Variants in PRKN observed in about 807,000 individuals in gnomAD.
PRKN encodes the protein E3 ubiquitin-protein ligase parkin.
Under a neutral mutation model 59.5 loss-of-function variants are expected in PRKN, and 56 were observed. That is an observed-to-expected ratio of 0.94 (90% CI 0.76 to 1.18). The LOEUF (loss-of-function observed/expected upper bound fraction) is 1.18. PRKN is among the 50% of genes most tolerant of loss of function. The probability of loss-of-function intolerance (pLI) is 0.00; values close to 1 mark genes in which losing one functional copy is unlikely to be tolerated. For missense variants in PRKN, 657 were observed against 596.4 expected, an observed-to-expected ratio of 1.10 and a Z score of -1.06; for synonymous variants, 250 against 222.1, an observed-to-expected ratio of 1.13 and a Z score of -1.12.
intron 9 of PRKN, among the ~76,000 whole-genome samples, chr6:161,465,977 C>A (rs967231227): frequency 2.0e-5 from 3 of 152,218 alleles, no homozygotes; most frequent in South Asian, 2.1e-4. Flanking sequence ...TCAACACATA[C>A]AAAATAATGA....
chr6:162,379,269 A>G (rs900792420), intron 2 of PRKN, among the ~76,000 whole-genome samples: 2 of 152,152 alleles, frequency 1.3e-5, no homozygotes, highest in African/African-American at 4.8e-5. Flanking sequence ...TCATCACTCC[A>G]TGAGTGATAA....
intron 2 of PRKN, among the ~76,000 whole-genome samples, chr6:162,394,945 T>C (rs192940649): frequency 7.9e-5 from 12 of 152,350 alleles, no homozygotes; most frequent in East Asian, 5.8e-4. Flanking sequence ...CCTGTGATAT[T>C]TGAATGAAAG....
Position 161,439,197 on chromosome 6 carries a change from C to A in PRKN, c.1084-52320G>T, listed in dbSNP as rs79402321. 6.9e-3 allele frequency among the ~76,000 whole-genome samples: 1,055 copies of A among 152,294 alleles called. 8 individuals are homozygous for A. The highest frequency in any genetic ancestry group is 0.011 in the Non-Finnish European group (745 of 68,022). On this transcript the variant is annotated intron_variant, in intron 9 of 11. Transcript: ENST00000366898. ...GCAGCTGAAAGGAAGCTGACGCCAA[C>A]GGGCTTCTCAGAAGAACAATGACTC...
At chr6:161,927,471 T>C (rs1050610627) in intron 6 of PRKN, among the ~76,000 whole-genome samples, 2 of 152,240 alleles carry the variant, frequency 1.3e-5, no homozygotes, top group South Asian at 2.1e-4. Flanking sequence ...TCAAAAGTCA[T>C]GTTAACAAAA....
chr6:161,557,441 C>T (rs756147631), intron 8 of PRKN, among the ~76,000 whole-genome samples: 8 of 152,118 alleles, frequency 5.3e-5, no homozygotes, highest in Non-Finnish European at 1.0e-4. Context: ...AACGGTTGCA[C>T]GTTCAAGCCC....
rs772336975 is a variant in PRKN, at chr6:162,555,981, C to CAAAAAAAAAAAAAA, written c.8-112522_8-112509dup. On this transcript the variant is annotated intron_variant, in intron 1 of 11. Transcript: ENST00000366898. The stretch of plus-strand genomic sequence containing the variant: ...GGGCAACAAGAGCGAAACTCCATCT[C>CAAAAAAAAAAAAAA]AAAAAAAAAAAAAAAAAAGTGAGAA... Among the ~76,000 whole-genome samples, 22 of 90,342 alleles carry CAAAAAAAAAAAAAA rather than the reference C, an allele frequency of 2.4e-4. 1 individual carries two copies. Among genetic ancestry groups the CAAAAAAAAAAAAAA allele is most frequent in the Non-Finnish European group, 3.8e-4 (18 of 47,948 alleles). 59.3% of individuals were successfully genotyped at this position (90,342 alleles called of 152,430 possible). A position where few individuals can be genotyped will look rare whatever the true frequency, so the allele number is the denominator to read the frequency against.
intron 4 of PRKN, among the ~76,000 whole-genome samples, chr6:162,073,789 A>C (rs1405228141): frequency 6.6e-6 from 1 of 152,170 alleles, no homozygotes; most frequent in Non-Finnish European, 1.5e-5. Flanking sequence ...CAGATAATTC[A>C]CTTCCAATAC....
chr6:161,755,709 G>A (rs570812430), intron 7 of PRKN, among the ~76,000 whole-genome samples: 23 of 152,214 alleles, frequency 1.5e-4, no homozygotes, highest in African/African-American at 4.6e-4. Flanking sequence ...ATAATTCAAC[G>A]TGAAGACACT....
At chr6:162,067,877 G>A (rs1293345751) in intron 4 of PRKN, among the ~76,000 whole-genome samples, 1 of 152,182 alleles carries the variant, frequency 6.6e-6, no homozygotes, top group African/African-American at 2.4e-5. Flanking sequence ...AGTATTTGTT[G>A]TTTTGTTCAC....
intron 5 of PRKN, among the ~76,000 whole-genome samples, chr6:162,039,406 A>G (rs886595044): frequency 1.3e-5 from 2 of 152,152 alleles, no homozygotes; most frequent in Non-Finnish European, 2.9e-5. Context: ...TCCTGAGGGC[A>G]GCTCCCTCAT....
chr6:162,389,039 C>G (rs1787025181), intron 2 of PRKN, among the ~76,000 whole-genome samples: 1 of 148,176 alleles, frequency 6.7e-6, no homozygotes, highest in South Asian at 2.2e-4. Flanking sequence ...AAAACCTGAC[C>G]CTCAATTCTT....
chr6:162,705,620 A>C (rs2849525), intron 1 of PRKN, among the ~76,000 whole-genome samples: 123,160 of 152,098 alleles, frequency 0.81, 50,084 homozygotes, highest in East Asian at 0.97. Context: ...TCCACAAGAA[A>C]ACTAGAAATT....
chr6:161,649,988 G>A (rs1784090960), intron 7 of PRKN, among the ~76,000 whole-genome samples: 1 of 152,188 alleles, frequency 6.6e-6, no homozygotes, highest in Admixed American at 6.5e-5. Context: ...ACATGGAAGG[G>A]TCGCTGCAGG....
intron 6 of PRKN, among the ~76,000 whole-genome samples, chr6:161,824,654 G>A (rs2022993): frequency 0.62 from 93,864 of 152,066 alleles, 29,316 homozygotes; most frequent in Middle Eastern, 0.71. Flanking sequence ...GCAGAAGCAA[G>A]TGCTATATTC....
At chr6:161,403,929 A>T (rs1787156405) in intron 9 of PRKN, among the ~76,000 whole-genome samples, 1 of 152,262 alleles carries the variant, frequency 6.6e-6, no homozygotes, top group Non-Finnish European at 1.5e-5. Context: ...AGATGCCAGC[A>T]TCATGCTCTT....
At chr6:162,487,087 AAAGTAGAT>A (rs1173744737) in intron 1 of PRKN, among the ~76,000 whole-genome samples, 1 of 152,148 alleles carries the variant, frequency 6.6e-6, no homozygotes, top group Non-Finnish European at 1.5e-5. Context: ...AAAGAAAAGA[AAAGTAGAT>A]TTTAAGGAAA....
At chr6:162,214,882 A>T (rs188091789) in intron 3 of PRKN, among the ~76,000 whole-genome samples, 1 of 152,236 alleles carries the variant, frequency 6.6e-6, no homozygotes, top group Non-Finnish European at 1.5e-5. Flanking sequence ...ATACTTTAGG[A>T]TCTTATTTTT....
At chr6:161,758,343 A>C (rs1461299211) in intron 7 of PRKN, among the ~76,000 whole-genome samples, 1 of 152,174 alleles carries the variant, frequency 6.6e-6, no homozygotes, top group Non-Finnish European at 1.5e-5. Flanking sequence ...CAGCAGTGGA[A>C]AGGATAAGCA....
intron 2 of PRKN, among the ~76,000 whole-genome samples, chr6:162,406,473 T>G (rs1292738258): frequency 2.0e-5 from 3 of 152,228 alleles, no homozygotes; most frequent in Non-Finnish European, 4.4e-5. Flanking sequence ...ATAGACTCTC[T>G]ATGCAGCATT....
Sources: gnomAD v4.1 joint callset for allele counts (sites outside exome capture counted in the v4.1 genomes callset) on GRCh38, gnomAD v4.1.1 for gene constraint, MANE v1.5 for transcripts, NCBI Gene and HGNC (gene_info 2026-07-23, HGNC 2026-07-21) for gene names.